Variants in PPFIBP2 observed in about 807,000 individuals in gnomAD.
PPFIBP2 encodes the protein PPFIB scaffold protein 2, also known as liprin-beta-2.
Under a neutral mutation model 118.3 loss-of-function variants are expected in PPFIBP2, and 118 were observed. The observed-to-expected ratio is 1.00, with a 90% CI of 0.86 to 1.16. The LOEUF is 1.16. Ranked by LOEUF, PPFIBP2 falls within the 50% of genes most tolerant of loss-of-function variation. PPFIBP2 has a pLI of 0.00. For synonymous variants in PPFIBP2, 414 were observed against 397.4 expected (o/e 1.04, Z -0.50); for missense variants, 1,195 against 1,073.1 (o/e 1.11, Z -1.59).
In PPFIBP2 at chr11:7,629,332, A is replaced by G. The variant is rs558855653; in HGVS notation, c.889-127A>G. 5 of 884,648 alleles carry G rather than the reference A, an allele frequency of 5.7e-6. No individual in the cohort carries two copies. The East Asian group carries it at 9.9e-5, about 18-fold the overall frequency. 54.8% of individuals were successfully genotyped at this position (884,648 alleles called of 1,614,324 possible). On this transcript the variant is annotated intron_variant, in intron 9 of 23. Coordinates refer to ENST00000299492, the MANE Select transcript of PPFIBP2 (RefSeq NM_003621.5). ...CAGCTCTGTGGAATGGGGCCTGGAC[A>G]CTCTTTTCCTTTGGTTCCACGTGGG...
Position 7,610,104 on chromosome 11 carries a change from G to A in PPFIBP2, c.487-187G>A, listed in dbSNP as rs140483952. ...GCACAGTGGGTGGTATTGGGGGTGC[G>A]CTATCCCTGAGTAGCCCAGCATCAG... On this transcript the variant is annotated intron_variant, in intron 5 of 23. Coordinates refer to ENST00000299492, the MANE Select transcript of PPFIBP2 (RefSeq NM_003621.5). 1.5e-3 allele frequency among the ~76,000 whole-genome samples: 232 copies of A among 152,214 alleles called. 3 individuals carry two copies. Among genetic ancestry groups the A allele is most frequent in the African/African-American group, 4.0e-3 (166 of 41,516 alleles).
At chr11:7,603,367 C>T (rs1230234510) in intron 5 of PPFIBP2, among the ~76,000 whole-genome samples, 4 of 152,296 alleles carry the variant, frequency 2.6e-5, no homozygotes, top group East Asian at 1.9e-4. Flanking sequence ...GAGGACTGAG[C>T]CTGGCCTCAA....
At chr11:7,580,225 C>T (rs1306293334) in intron 3 of PPFIBP2, among the ~76,000 whole-genome samples, 1 of 152,216 alleles carries the variant, frequency 6.6e-6, no homozygotes, top group East Asian at 1.9e-4. Context: ...TCCATCCAGG[C>T]TGTCTTTTCC....
At chr11:7,552,845 T>TG (rs1222190646) in intron 2 of PPFIBP2, among the ~76,000 whole-genome samples, 2 of 152,176 alleles carry the variant, frequency 1.3e-5, no homozygotes, top group Non-Finnish European at 2.9e-5. Context: ...GTGTCTATCA[T>TG]GCATTCCCAC....
chr11:7,543,080 A>G (rs767801112), intron 1 of PPFIBP2, among the ~76,000 whole-genome samples: 12 of 152,196 alleles, frequency 7.9e-5, no homozygotes, highest in Non-Finnish European at 1.8e-4. Flanking sequence ...GTTGGTTAAT[A>G]TGGGATGTGA....
chr11:7,599,523 G>A (rs1861012426), intron 5 of PPFIBP2, among the ~76,000 whole-genome samples: 1 of 152,096 alleles, frequency 6.6e-6, no homozygotes, highest in Non-Finnish European at 1.5e-5. Context: ...GTGTCAAGGA[G>A]TCTGATTGTG....
chr11:7,594,136 T>C (rs1859853135), intron 4 of PPFIBP2, among the ~76,000 whole-genome samples: 1 of 151,672 alleles, frequency 6.6e-6, no homozygotes, highest in Non-Finnish European at 1.5e-5. Flanking sequence ...GTGTGTTTGT[T>C]TTTTCTCTTT....
At chr11:7,601,200 A>G (rs1861363924) in intron 5 of PPFIBP2, among the ~76,000 whole-genome samples, 1 of 152,094 alleles carries the variant, frequency 6.6e-6, no homozygotes, top group African/African-American at 2.4e-5. Flanking sequence ...TGTATCCCCA[A>G]CCACAACATC....
At chr11:7,655,278 T>C, downstream of PPFIBP2, 1 of 428,612 alleles carries the variant, frequency 2.3e-6, no homozygotes, top group Non-Finnish European at 4.4e-6. Flanking sequence ...TCCACCCACC[T>C]GTCACTCCTC....
intron 11 of PPFIBP2, among the ~76,000 whole-genome samples, chr11:7,631,502 C>T (rs951606975): frequency 1.3e-5 from 2 of 152,088 alleles, no homozygotes; most frequent in African/African-American, 4.8e-5. Context: ...CGCCCTTCAG[C>T]CCCTATAGCC....
chr11:7,541,640 C>T (rs1163642181), intron 1 of PPFIBP2, among the ~76,000 whole-genome samples: 1 of 152,152 alleles, frequency 6.6e-6, no homozygotes, highest in Non-Finnish European at 1.5e-5. Context: ...TCACTTCATG[C>T]AATTGCTTAA....
chr11:7,617,231 C>T, intron 6 of PPFIBP2: 1 of 985,448 alleles, frequency 1.0e-6, no homozygotes, highest in African/African-American at 1.7e-5. Context: ...AGGTGGCGGC[C>T]AGCGACGGTG....
At position 7,653,472 on chromosome 11, in the gene PPFIBP2, T is replaced by G. The variant is rs1255441874; in HGVS notation, c.*254T>G. The G allele has an allele frequency of 1.4e-6, 2 of 1,470,460 alleles. No homozygotes were observed. The highest frequency in any genetic ancestry group is 1.8e-6 in the Non-Finnish European group (2 of 1,106,020). 91.1% of individuals were successfully genotyped at this position (1,470,460 alleles called of 1,614,324 possible). On this transcript the variant is annotated 3_prime_UTR_variant, in exon 24 of 24. Coordinates refer to ENST00000299492, the MANE Select transcript of PPFIBP2 (RefSeq NM_003621.5). The stretch of plus-strand genomic sequence containing the variant: ...AAAGACACTTAAAGACACTTTTACA[T>G]GTCTAGTAATTCTTGATGTTCATCT...
the PPFIBP2 span, chr11:7,665,854 TG>T: frequency 6.5e-7 from 1 of 1,536,018 alleles, no homozygotes; most frequent in East Asian, 2.4e-5. Flanking sequence ...TACAGCCAGC[TG>T]GAGTTGTCCG....
intron 18 of PPFIBP2, 61 bp downstream of exon 18, chr11:7,648,598 G>A: frequency 6.3e-7 from 1 of 1,594,714 alleles, no homozygotes; most frequent in South Asian, 1.1e-5. Flanking sequence ...GGGAGGCCAG[G>A]GTCCGCCACT....
At chr11:7,620,035 T>G (rs1849156029) in intron 6 of PPFIBP2, among the ~76,000 whole-genome samples, 1 of 152,218 alleles carries the variant, frequency 6.6e-6, no homozygotes, top group African/African-American at 2.4e-5. Flanking sequence ...CAGTGCTTAG[T>G]GGAGTCATCT....
At chr11:7,654,698 C>G (rs1854522849), downstream of PPFIBP2, among the ~76,000 whole-genome samples, 2 of 152,206 alleles carry the variant, frequency 1.3e-5, no homozygotes, top group Non-Finnish European at 2.9e-5. Flanking sequence ...AGTTGTAGAG[C>G]CAGTCAGGGC....
At chr11:7,568,476 A>G (rs1590279750) in intron 3 of PPFIBP2, among the ~76,000 whole-genome samples, 1 of 152,350 alleles carries the variant, frequency 6.6e-6, no homozygotes, top group Non-Finnish European at 1.5e-5. Context: ...GTTTTTAATC[A>G]GGAGGGAAAC....
At chr11:7,599,231 G>T (rs117969549) in intron 5 of PPFIBP2, among the ~76,000 whole-genome samples, 14 of 152,160 alleles carry the variant, frequency 9.2e-5, no homozygotes, top group Admixed American at 9.2e-4. Context: ...GTGTTTTCAA[G>T]TCTGCACAAG....
Sources: gnomAD v4.1 joint callset for allele counts (sites outside exome capture counted in the v4.1 genomes callset) on GRCh38, gnomAD v4.1.1 for gene constraint, MANE v1.5 for transcripts, NCBI Gene and HGNC (gene_info 2026-07-23, HGNC 2026-07-21) for gene names.